The following FSHR variants were observed in gnomAD, a reference collection of about 807,000 sequenced individuals.
The protein encoded by FSHR is follicle-stimulating hormone receptor.
FSHR carries 46 observed loss-of-function variants against 52.1 expected under a neutral mutation model. The ratio of observed to expected loss-of-function variants is 0.88; its 90% CI spans 0.70 to 1.13. FSHR has a LOEUF of 1.13. Among genes scored for constraint, FSHR ranks in the 50% most tolerant of loss-of-function variants. FSHR has a pLI of 0.00. For synonymous variants in FSHR, 399 were observed against 309.6 expected (o/e 1.29, Z -3.03); for missense variants, 964 against 834.6 (o/e 1.16, Z -1.91).
At chr2:48,996,458 A>G (rs1676026791) in intron 4 of FSHR, among the ~76,000 whole-genome samples, 6 of 152,228 alleles carry the variant, frequency 3.9e-5, no homozygotes, top group Admixed American at 3.9e-4. Context: ...ATATACAACC[A>G]TGTTTTATAT....
At chr2:49,064,527 G>C (rs541572872) in intron 2 of FSHR, among the ~76,000 whole-genome samples, 32 of 152,000 alleles carry the variant, frequency 2.1e-4, no homozygotes, top group Non-Finnish European at 2.8e-4. Context: ...CTTGATTTTG[G>C]AGTTTCAAGT....
chr2:49,137,322 A>G (rs1160797448), intron 1 of FSHR, among the ~76,000 whole-genome samples: 3 of 152,118 alleles, frequency 2.0e-5, no homozygotes, highest in Non-Finnish European at 4.4e-5. Flanking sequence ...CTTGAAAACT[A>G]TAAAATAATT....
chr2:49,021,859 C>CTATATA (rs1215761261), intron 2 of FSHR, among the ~76,000 whole-genome samples: 7 of 38,364 alleles, frequency 1.8e-4, no homozygotes, highest in Non-Finnish European at 2.3e-4. Flanking sequence ...CTCTCTCTCT[C>CTATATA]TCTCTATATA....
intron 1 of FSHR, among the ~76,000 whole-genome samples, chr2:49,130,262 C>T (rs1672215540): frequency 6.6e-6 from 1 of 152,174 alleles, no homozygotes; most frequent in Non-Finnish European, 1.5e-5. Context: ...ACATACTTAA[C>T]ATGGGTGAGC....
At position 49,017,475 on chromosome 2, in the gene FSHR, A is replaced by G; in HGVS notation, c.374+14T>C. ...TTAATCATAGTGGGGGTACCAAACTACATGAGTTCTTACAGATATTGAAGG... is the reference window on the plus strand; with the variant it reads ...TTAATCATAGTGGGGGTACCAAACTGCATGAGTTCTTACAGATATTGAAGG... On this transcript the variant is annotated intron_variant, in intron 4 of 9. Coordinates refer to ENST00000406846, the MANE Select transcript of FSHR (RefSeq NM_000145.4). The G allele has an allele frequency of 6.3e-7, 1 of 1,597,788 alleles. No individual in the cohort carries two copies. The highest frequency in any genetic ancestry group is 8.6e-7 in the Non-Finnish European group (1 of 1,165,434).
chr2:49,102,263 A>G (rs1455391174), intron 1 of FSHR, among the ~76,000 whole-genome samples: 2 of 152,200 alleles, frequency 1.3e-5, no homozygotes, highest in African/African-American at 4.8e-5. Context: ...GCAATGATCT[A>G]TAGTCATCCT....
intron 2 of FSHR, among the ~76,000 whole-genome samples, chr2:49,029,270 T>C (rs1668018208): frequency 6.6e-6 from 1 of 152,250 alleles, no homozygotes; most frequent in Non-Finnish European, 1.5e-5. Context: ...CTGCTGTTTA[T>C]TGAATTACGG....
At chr2:49,052,129 C>G (rs1008807497) in intron 2 of FSHR, among the ~76,000 whole-genome samples, 5 of 152,058 alleles carry the variant, frequency 3.3e-5, no homozygotes, top group Non-Finnish European at 7.4e-5. Flanking sequence ...AAAATATTAG[C>G]AAATCAAAAT....
Position 49,049,043 on chromosome 2 carries a change from CT to C in FSHR, c.224+19175del, listed in dbSNP as rs552257790. ...ATTGCAGCTTACCTTTAGATTGCTT[CT>C]TTTTATTTTAACACCATCTATTAAA... On this transcript the variant is annotated intron_variant, in intron 2 of 9. Coordinates refer to ENST00000406846, the MANE Select transcript of FSHR (RefSeq NM_000145.4). Among the ~76,000 whole-genome samples the C allele has an allele frequency of 7.9e-5, 12 of 151,944 alleles. No individual in the cohort carries two copies. The South Asian group carries it at 1.7e-3, about 21-fold the overall frequency.
intron 1 of FSHR, among the ~76,000 whole-genome samples, chr2:49,084,467 C>A (rs1315117392): frequency 2.0e-5 from 3 of 152,062 alleles, no homozygotes; most frequent in East Asian, 1.9e-4. Context: ...CATTCAAAAG[C>A]TAGCAGAAGG....
chr2:49,121,577 C>G (rs1365509981), intron 1 of FSHR, among the ~76,000 whole-genome samples: 1 of 152,106 alleles, frequency 6.6e-6, no homozygotes, highest in Non-Finnish European at 1.5e-5. Context: ...CTTTCCCATA[C>G]CTAGCTGAGG....
intron 2 of FSHR, among the ~76,000 whole-genome samples, chr2:49,040,756 T>C (rs1290824460): frequency 1.3e-5 from 2 of 151,996 alleles, no homozygotes; most frequent in South Asian, 2.1e-4. Flanking sequence ...AGTTTAATGA[T>C]TGGACTGGGA....
chr2:49,132,344 T>A (rs1478326096), intron 1 of FSHR, among the ~76,000 whole-genome samples: 4 of 152,210 alleles, frequency 2.6e-5, no homozygotes, highest in African/African-American at 9.6e-5. Context: ...CATTTTTGTT[T>A]CTATCCTGCT....
chr2:49,135,293 T>A (rs1243373196), intron 1 of FSHR, among the ~76,000 whole-genome samples: 2 of 151,774 alleles, frequency 1.3e-5, no homozygotes, highest in African/African-American at 4.8e-5. Context: ...TGAAATGGAA[T>A]GAAAAATAAA....
At chr2:49,120,011 T>A (rs546499067) in intron 1 of FSHR, among the ~76,000 whole-genome samples, 6 of 152,322 alleles carry the variant, frequency 3.9e-5, no homozygotes, top group African/African-American at 1.4e-4. Flanking sequence ...GGCTCACACC[T>A]GTAATCCCAG....
At chr2:49,122,332 G>C (rs549992767) in intron 1 of FSHR, among the ~76,000 whole-genome samples, 3 of 152,284 alleles carry the variant, frequency 2.0e-5, no homozygotes, top group Non-Finnish European at 2.9e-5. Context: ...ATGCATAGAG[G>C]GGGGATGGCT....
chr2:49,077,509 G>T (rs1400164258), intron 1 of FSHR, among the ~76,000 whole-genome samples: 3 of 151,948 alleles, frequency 2.0e-5, no homozygotes, highest in Non-Finnish European at 4.4e-5. Context: ...GTGCCCTGGA[G>T]ACATTTCCCC....
intron 2 of FSHR, among the ~76,000 whole-genome samples, chr2:49,034,457 G>A (rs1258642248): frequency 6.6e-6 from 1 of 152,186 alleles, no homozygotes; most frequent in Non-Finnish European, 1.5e-5. Context: ...GGTGTCAATA[G>A]CTGGCATCTA....
chr2:49,027,091 C>A (rs892492543), intron 2 of FSHR, among the ~76,000 whole-genome samples: 1 of 152,234 alleles, frequency 6.6e-6, no homozygotes, highest in African/African-American at 2.4e-5. Flanking sequence ...TCCCTACTGG[C>A]CCACTGGACT....
Sources: gnomAD v4.1 joint callset for allele counts (sites outside exome capture counted in the v4.1 genomes callset) on GRCh38, gnomAD v4.1.1 for gene constraint, MANE v1.5 for transcripts, NCBI Gene and HGNC (gene_info 2026-07-23, HGNC 2026-07-21) for gene names.